The following KCNG2 variants were observed in gnomAD, a reference collection of about 807,000 sequenced individuals.
The protein encoded by KCNG2 is voltage-gated potassium channel regulatory subunit KCNG2.
A neutral mutation model predicts 12.3 loss-of-function variants in KCNG2; 7 were observed. That is an observed-to-expected ratio of 0.57 (90% CI 0.32 to 1.07). The LOEUF (loss-of-function observed/expected upper bound fraction) is 1.07. KCNG2 is among the 50% of genes least tolerant of loss of function. The pLI is 0.04. For synonymous variants in KCNG2, 414 were observed against 351.4 expected (o/e 1.18, Z -1.99); for missense variants, 703 against 726.0 (o/e 0.97, Z 0.36).
intron 3 of KCNG2, among the ~76,000 whole-genome samples, chr18:79,865,547 G>T (rs1979464210): frequency 7.0e-6 from 1 of 143,868 alleles, no homozygotes; most frequent in African/African-American, 2.6e-5. Flanking sequence ...AGAGGTCTGG[G>T]TGCTGAGGTC....
intron 3 of KCNG2, among the ~76,000 whole-genome samples, chr18:79,871,542 G>A (rs2123089989): frequency 6.6e-6 from 1 of 152,258 alleles, no homozygotes; most frequent in East Asian, 1.9e-4. Context: ...GGCCACAACA[G>A]ATCCAAACTT....
chr18:79,848,208 A>G (rs1263440734), intron 1 of KCNG2, among the ~76,000 whole-genome samples: 1 of 152,212 alleles, frequency 6.6e-6, no homozygotes, highest in Non-Finnish European at 1.5e-5. Context: ...GGTGACGCAT[A>G]TGCTTCTAAG....
At chr18:79,887,062 A>G (rs891491) in intron 3 of KCNG2, among the ~76,000 whole-genome samples, 54,181 of 88,128 alleles carry the variant, frequency 0.61, 18,139 homozygotes, top group Non-Finnish European at 0.75. Context: ...ACGTGGGGAC[A>G]GGGACATGGG....
At chr18:79,879,627 C>T (rs773470125) in intron 3 of KCNG2, among the ~76,000 whole-genome samples, 2 of 152,182 alleles carry the variant, frequency 1.3e-5, no homozygotes, top group Non-Finnish European at 2.9e-5. Flanking sequence ...GGGGAAGATG[C>T]ACCGCTGGGA....
intron 3 of KCNG2, among the ~76,000 whole-genome samples, chr18:79,873,418 G>GCC (rs1399991203): frequency 0.017 from 1,412 of 82,272 alleles, 28 homozygotes; most frequent in Non-Finnish European, 0.026. Flanking sequence ...CGCTCCTGCC[G>GCC]GCCCCCCTCC....
chr18:79,888,916 T>C (rs1216218224), intron 3 of KCNG2, among the ~76,000 whole-genome samples: 2 of 152,150 alleles, frequency 1.3e-5, no homozygotes, highest in Admixed American at 1.3e-4. Context: ...TGACCTCAAA[T>C]GATCTGCCCA....
chr18:79,801,956 C>T (rs551345508), intron 1 of KCNG2, among the ~76,000 whole-genome samples: 45 of 152,276 alleles, frequency 3.0e-4, no homozygotes, highest in African/African-American at 8.9e-4. Context: ...GGGACCCCTT[C>T]GCCAGGGGTC....
In KCNG2 at chr18:79,821,749, G is replaced by A. The variant is rs1055693037; in HGVS notation, c.-115+23735G>A. ...CCAAAATCACTTGATCATAGGTGTA[G>A]GGCTCATCTCTGGGCGTCCTGCTCC... On this transcript the variant is annotated intron_variant, in intron 1 of 3. Transcript: ENST00000316249. Among the ~76,000 whole-genome samples the A allele has an allele frequency of 2.6e-5, 4 of 152,144 alleles. No individual in the cohort carries two copies. The East Asian group carries it at 7.7e-4, about 29-fold the overall frequency.
At chr18:79,855,715 TA>T (rs1463955651) in intron 1 of KCNG2, among the ~76,000 whole-genome samples, 1 of 152,122 alleles carries the variant, frequency 6.6e-6, no homozygotes. Flanking sequence ...CTGCTTTCCT[TA>T]GATCAGTTCA....
intron 1 of KCNG2, among the ~76,000 whole-genome samples, chr18:79,839,383 G>A (rs1353500860): frequency 2.0e-5 from 3 of 152,154 alleles, no homozygotes; most frequent in Non-Finnish European, 4.4e-5. Context: ...GAACAAAATA[G>A]AGGACATAAC....
rs1599429833 is a variant in KCNG2, at chr18:79,884,611, A to T, written c.625-14429A>T. On this transcript the variant is annotated intron_variant, in intron 3 of 3. Transcript: ENST00000316249. This position sits in a 1 kb window ranked among gnomAD's most constrained non-coding sequence, Gnocchi z 5.5. The stretch of plus-strand genomic sequence containing the variant: ...CGGGGCAGGAATTCTAGATTCTGGG[A>T]TTCCTTTCATCGTTGCTTTTTGTGT... Among the ~76,000 whole-genome samples the T allele has an allele frequency of 6.6e-6, 1 of 152,046 alleles. No homozygotes were observed. Among genetic ancestry groups the T allele is most frequent in the Non-Finnish European group, 1.5e-5 (1 of 67,984 alleles).
intron 1 of KCNG2, among the ~76,000 whole-genome samples, chr18:79,853,320 G>A (rs1027108282): frequency 6.6e-6 from 1 of 152,234 alleles, no homozygotes; most frequent in Non-Finnish European, 1.5e-5. Context: ...GTGCAGGTGA[G>A]TCTGACGAGA....
chr18:79,884,687 G>T lies in KCNG2; in HGVS notation c.625-14353G>T, dbSNP rs185440625. On this transcript the variant is annotated intron_variant, in intron 3 of 3. Transcript: ENST00000316249. The surrounding 1 kb of genome is among the most constrained non-coding windows in gnomAD (Gnocchi z 5.5). ...TGTGGTTTCCAAAGAGACCGGACAC[G>T]CCCAAGGCCCACAGACACGTGGCTT... Among the ~76,000 whole-genome samples, 1 of 152,192 alleles carries T rather than the reference G, an allele frequency of 6.6e-6. No individual in the cohort carries two copies. The highest frequency in any genetic ancestry group is 1.5e-5 in the Non-Finnish European group (1 of 68,036).
chr18:79,893,002 T>C (rs59676934), intron 3 of KCNG2, among the ~76,000 whole-genome samples: 2,548 of 152,176 alleles, frequency 0.017, 66 homozygotes, highest in African/African-American at 0.058. Flanking sequence ...TTGATTGGGT[T>C]GTTCACTCCA....
In KCNG2 at chr18:79,818,058, C is replaced by T. The variant is rs941815256; in HGVS notation, c.-115+20044C>T. 3.3e-5 allele frequency among the ~76,000 whole-genome samples: 5 copies of T among 152,366 alleles called. No homozygotes were observed. The South Asian group carries it at 8.3e-4, about 25-fold the overall frequency. Reference sequence around the variant, plus strand: ...AGCCTGCCCCTCGCCCCAGGACAGACGGCCAAGGCCCTAGGCAGAACACAG... The same window carrying T: ...AGCCTGCCCCTCGCCCCAGGACAGATGGCCAAGGCCCTAGGCAGAACACAG... On this transcript the variant is annotated intron_variant, in intron 1 of 3. Coordinates refer to ENST00000316249, the MANE Select transcript of KCNG2 (RefSeq NM_012283.2).
At position 79,856,829 on chromosome 18, in the gene KCNG2, C is replaced by A. The variant is rs546207644; in HGVS notation, c.-41+377C>A. 4.3e-4 allele frequency among the ~76,000 whole-genome samples: 66 copies of A among 152,076 alleles called. 1 individual carries two copies. Among genetic ancestry groups the A allele is most frequent in the African/African-American group, 1.6e-3 (66 of 41,456 alleles). Reference sequence around the variant, plus strand: ...GACGACTTCCTGCTGCATTAGGAAGCTCCGTCTTGTGAGCCCTGGGGAGGC... The same window carrying A: ...GACGACTTCCTGCTGCATTAGGAAGATCCGTCTTGTGAGCCCTGGGGAGGC... On this transcript the variant is annotated intron_variant, in intron 2 of 3. Coordinates refer to ENST00000316249, the MANE Select transcript of KCNG2 (RefSeq NM_012283.2).
intron 3 of KCNG2, among the ~76,000 whole-genome samples, chr18:79,895,554 T>C (rs2123134083): frequency 6.6e-6 from 1 of 152,214 alleles, no homozygotes; most frequent in African/African-American, 2.4e-5. Flanking sequence ...TCACATCTAA[T>C]GTTATGATTG....
intron 1 of KCNG2, among the ~76,000 whole-genome samples, chr18:79,817,658 C>G (rs1230143398): frequency 6.6e-6 from 1 of 152,266 alleles, no homozygotes; most frequent in Non-Finnish European, 1.5e-5. Context: ...GTACTCTTGT[C>G]CCTGAGGGCA....
chr18:79,858,751 G>C (rs1463097990), intron 2 of KCNG2, among the ~76,000 whole-genome samples: 3 of 151,338 alleles, frequency 2.0e-5, no homozygotes, highest in African/African-American at 7.3e-5. Flanking sequence ...TTTTCCATTT[G>C]TTTGACTATA....
Sources: gnomAD v4.1 joint callset for allele counts (sites outside exome capture counted in the v4.1 genomes callset) on GRCh38, gnomAD v4.1.1 for gene constraint, Gnocchi (gnomAD v3.1) non-coding constraint, MANE v1.5 for transcripts, NCBI Gene and HGNC (gene_info 2026-07-23, HGNC 2026-07-21) for gene names.